GFOD1: variants seen among roughly 807,000 people sequenced by gnomAD.
GFOD1 encodes glucose-fructose oxidoreductase domain-containing protein 1.
A neutral mutation model predicts 25.4 loss-of-function variants in GFOD1; 9 were observed. The ratio of observed to expected loss-of-function variants is 0.35; its 90% CI spans 0.21 to 0.62. The LOEUF (loss-of-function observed/expected upper bound fraction) is 0.62, where lower values mean the gene tolerates loss of function less well. Among genes scored for constraint, GFOD1 ranks in the 20% least tolerant of loss-of-function variants. The probability of loss-of-function intolerance (pLI) is 0.72; values close to 1 mark genes in which losing one functional copy is unlikely to be tolerated. For missense variants in GFOD1, 403 were observed against 556.9 expected (o/e 0.72, Z 2.78); for synonymous variants, 253 against 245.6 (o/e 1.03, Z -0.28).
chr6:13,418,043 G>C (rs1182599923), intron 1 of GFOD1, among the ~76,000 whole-genome samples: 1 of 152,158 alleles, frequency 6.6e-6, no homozygotes, highest in Non-Finnish European at 1.5e-5. Flanking sequence ...TGAATGCCTT[G>C]GGTCTGTCAT....
chr6:13,443,467 T>C (rs984398489), intron 1 of GFOD1, among the ~76,000 whole-genome samples: 20 of 82,004 alleles, frequency 2.4e-4, no homozygotes, highest in African/African-American at 6.8e-4. Flanking sequence ...TTGAGAAATC[T>C]TCCTTGAAAG....
chr6:13,436,819 GA>G (rs1757840085), intron 1 of GFOD1, among the ~76,000 whole-genome samples: 1 of 152,188 alleles, frequency 6.6e-6, no homozygotes, highest in Non-Finnish European at 1.5e-5. Flanking sequence ...TGAGCTATCG[GA>G]TTACTCCTAT....
chr6:13,431,186 G>A (rs1476549008), intron 1 of GFOD1, among the ~76,000 whole-genome samples: 1 of 152,230 alleles, frequency 6.6e-6, no homozygotes, highest in Non-Finnish European at 1.5e-5. Flanking sequence ...TGGGGACTAT[G>A]ATGATAGCAC....
chr6:13,448,727 C>T (rs1040386194), intron 1 of GFOD1, among the ~76,000 whole-genome samples: 3 of 152,166 alleles, frequency 2.0e-5, no homozygotes, highest in African/African-American at 7.2e-5. Context: ...TGTCTCGCAC[C>T]ACTAAACCAC....
Position 13,364,578 on chromosome 6 carries a change from T to A in GFOD1, c.*165A>T. 1.6e-6 allele frequency: 1 copy of A among 628,486 alleles called. No individual in the cohort carries two copies. Among genetic ancestry groups the A allele is most frequent in the South Asian group, 2.0e-5 (1 of 50,112 alleles). The allele number at this position is 628,486 out of a possible 1,614,324, so 38.9% of individuals were successfully genotyped here. On this transcript the variant is annotated 3_prime_UTR_variant, in exon 2 of 2. Coordinates refer to ENST00000379287, the MANE Select transcript of GFOD1 (RefSeq NM_018988.4). The surrounding 1 kb of genome is among the most constrained non-coding windows in gnomAD (Gnocchi z 4.1). The stretch of plus-strand genomic sequence containing the variant: ...AGCCCACCAACAGTCTGGTTTGGGG[T>A]CGGTCACCGGGATTGGAGTTTACCT...
chr6:13,467,027 G>A (rs1159235159), intron 1 of GFOD1, among the ~76,000 whole-genome samples: 1 of 151,826 alleles, frequency 6.6e-6, no homozygotes, highest in Non-Finnish European at 1.5e-5. Flanking sequence ...ACTTTGCCCT[G>A]GAATACATCT....
chr6:13,472,526 C>T (rs924710637), intron 1 of GFOD1, among the ~76,000 whole-genome samples: 8 of 152,124 alleles, frequency 5.3e-5, no homozygotes, highest in Non-Finnish European at 1.0e-4. Context: ...TTTATTATCC[C>T]CATTATACAG....
chr6:13,470,559 C>T, intron 1 of GFOD1: 3 of 1,538,306 alleles, frequency 2.0e-6, no homozygotes, highest in Middle Eastern at 1.7e-4. Context: ...CTCAGCTGAA[C>T]AGAACCACGT....
At chr6:13,397,688 G>A (rs1449563803) in intron 1 of GFOD1, among the ~76,000 whole-genome samples, 2 of 152,236 alleles carry the variant, frequency 1.3e-5, no homozygotes, top group Non-Finnish European at 2.9e-5. Flanking sequence ...ATTTGGCCAA[G>A]TACCAATTCA....
chr6:13,374,267 T>TGTG (rs1554199393), intron 1 of GFOD1, among the ~76,000 whole-genome samples: 4,109 of 133,678 alleles, frequency 0.031, 235 homozygotes, highest in East Asian at 0.22. Flanking sequence ...AAAATATGTT[T>TGTG]TTTTTTTGTG....
chr6:13,383,217 G>A (rs1785400647), intron 1 of GFOD1, among the ~76,000 whole-genome samples: 1 of 152,164 alleles, frequency 6.6e-6, no homozygotes, highest in Admixed American at 6.5e-5. Context: ...AGAAAAGATG[G>A]GGGGTCACCC....
chr6:13,473,718 T>A (rs1000030448), intron 1 of GFOD1, among the ~76,000 whole-genome samples: 1 of 152,176 alleles, frequency 6.6e-6, no homozygotes, highest in South Asian at 2.1e-4. Flanking sequence ...GTCTTCCTTT[T>A]CAATTATTTA....
chr6:13,422,195 C>G (rs1302187208), intron 1 of GFOD1, among the ~76,000 whole-genome samples: 1 of 152,158 alleles, frequency 6.6e-6, no homozygotes, highest in Non-Finnish European at 1.5e-5. Context: ...CCATTCAATA[C>G]TTAGGTTCTG....
intron 1 of GFOD1, among the ~76,000 whole-genome samples, chr6:13,428,154 A>C (rs1475101400): frequency 6.6e-6 from 1 of 152,142 alleles, no homozygotes; most frequent in Non-Finnish European, 1.5e-5. Flanking sequence ...TCTATCAACC[A>C]TGTGTGAATT....
chr6:13,413,552 A>T (rs921348362), intron 1 of GFOD1, among the ~76,000 whole-genome samples: 1 of 152,226 alleles, frequency 6.6e-6, no homozygotes, highest in Non-Finnish European at 1.5e-5. Context: ...GCTGTAGTTT[A>T]GCTCTGTACT....
intron 1 of GFOD1, among the ~76,000 whole-genome samples, chr6:13,424,885 A>C (rs931582880): frequency 1.3e-5 from 2 of 152,114 alleles, no homozygotes; most frequent in African/African-American, 4.8e-5. Flanking sequence ...TAGCAGCTCC[A>C]AAATTTATAT....
chr6:13,399,315 A>G (rs6914294), intron 1 of GFOD1, among the ~76,000 whole-genome samples: 11,407 of 152,224 alleles, frequency 0.075, 551 homozygotes, highest in South Asian at 0.19. Context: ...ACCCAGCAAG[A>G]CAGATTTTTA....
chr6:13,409,179 G>GAAAGAAAGAAAGAA (rs1554201909), intron 1 of GFOD1, among the ~76,000 whole-genome samples: 1 of 34,128 alleles, frequency 2.9e-5, no homozygotes, highest in Non-Finnish European at 1.5e-4. Context: ...AAGAGAGAGA[G>GAAAGAAAGAAAGAA]AGAGAGAAAG....
chr6:13,374,273 T>TGTG (rs1554199407), intron 1 of GFOD1, among the ~76,000 whole-genome samples: 1,366 of 134,370 alleles, frequency 0.01, 8 homozygotes, highest in African/African-American at 0.012. Context: ...TGTTTTTTTT[T>TGTG]TGTGTGTGTG....
Sources: allele counts gnomAD v4.1 joint callset (sites outside exome capture counted in the v4.1 genomes callset), GRCh38; gene constraint gnomAD v4.1.1; non-coding constraint Gnocchi (gnomAD v3.1); transcripts MANE v1.5; gene names NCBI Gene and HGNC (gene_info 2026-07-23, HGNC 2026-07-21).